TRAPPC9: variants seen among roughly 807,000 people sequenced by gnomAD.
TRAPPC9 encodes trafficking protein particle complex subunit 9, also known as IKK2 binding protein.
A neutral mutation model predicts 124.0 loss-of-function variants in TRAPPC9; 83 were observed. The observed-to-expected ratio is 0.67, with a 90% confidence interval of 0.56 to 0.80. The LOEUF (loss-of-function observed/expected upper bound fraction) is 0.80. TRAPPC9 is among the 30% of genes least tolerant of loss of function. The pLI is 0.00. For synonymous variants in TRAPPC9, 638 were observed against 617.5 expected (o/e 1.03, Z -0.49); for missense variants, 1,302 against 1,508.3 (o/e 0.86, Z 2.27).
intron 19 of TRAPPC9, chr8:139,931,853 C>G (rs528553045): frequency 6.0e-6 from 1 of 167,574 alleles, no homozygotes; most frequent in African/African-American, 2.4e-5. Context: ...CCATTTCACC[C>G]GGAAAAGATG....
intron 17 of TRAPPC9, among the ~76,000 whole-genome samples, chr8:140,187,677 G>A (rs2062382805): frequency 6.6e-6 from 1 of 152,044 alleles, no homozygotes; most frequent in Non-Finnish European, 1.5e-5. Context: ...GCCTTTCCCT[G>A]TTGGTGGTTT....
At chr8:139,863,560 C>T (rs1828314823) in intron 21 of TRAPPC9, among the ~76,000 whole-genome samples, 2 of 152,312 alleles carry the variant, frequency 1.3e-5, no homozygotes, top group South Asian at 4.1e-4. Context: ...CGGGGTGAGG[C>T]CCTTTCTACT....
chr8:140,034,212 G>T (rs890579888), intron 17 of TRAPPC9, among the ~76,000 whole-genome samples: 27 of 152,214 alleles, frequency 1.8e-4, no homozygotes, highest in Non-Finnish European at 2.8e-4. Flanking sequence ...TTGCTAAGTA[G>T]AATTACATTT....
intron 19 of TRAPPC9, among the ~76,000 whole-genome samples, chr8:139,982,806 A>G (rs1313909077): frequency 1.3e-5 from 2 of 152,188 alleles, no homozygotes; most frequent in African/African-American, 2.4e-5. Context: ...AAGAAATATG[A>G]TAAGAGTGGC....
chr8:140,445,577 A>G (rs2071218965), intron 2 of TRAPPC9, among the ~76,000 whole-genome samples: 1 of 152,196 alleles, frequency 6.6e-6, no homozygotes, highest in Non-Finnish European at 1.5e-5. Context: ...CCTGGGAGCC[A>G]GTGGCGGCAG....
At chr8:140,395,013 G>A (rs752196037) in intron 7 of TRAPPC9, among the ~76,000 whole-genome samples, 13 of 152,134 alleles carry the variant, frequency 8.5e-5, no homozygotes, top group East Asian at 7.7e-4. Context: ...TCATTTGCCC[G>A]GCATCACTGG....
chr8:139,760,418 T>C (rs148942413), intron 21 of TRAPPC9, among the ~76,000 whole-genome samples: 9 of 152,214 alleles, frequency 5.9e-5, no homozygotes, highest in African/African-American at 2.2e-4. Flanking sequence ...GGACAGAAAG[T>C]GACCGCACGC....
At chr8:140,092,745 G>A (rs1014368296) in intron 17 of TRAPPC9, among the ~76,000 whole-genome samples, 1 of 152,266 alleles carries the variant, frequency 6.6e-6, no homozygotes, top group Non-Finnish European at 1.5e-5. Context: ...ATCATCTCTG[G>A]GTGCTGGAAA....
intron 15 of TRAPPC9, among the ~76,000 whole-genome samples, chr8:140,256,877 G>A (rs983839695): frequency 2.0e-5 from 3 of 152,142 alleles, no homozygotes; most frequent in East Asian, 1.9e-4. Flanking sequence ...GACAGGGCAC[G>A]GTGCCCAGTG....
At chr8:140,454,976 C>G (rs1314598542) in intron 1 of TRAPPC9, among the ~76,000 whole-genome samples, 1 of 150,804 alleles carries the variant, frequency 6.6e-6, no homozygotes, top group Non-Finnish European at 1.5e-5. Context: ...TGAGCCAGTT[C>G]TGGTATCTGA....
chr8:139,869,955 A>G (rs1828793708), intron 21 of TRAPPC9, among the ~76,000 whole-genome samples: 1 of 152,236 alleles, frequency 6.6e-6, no homozygotes, highest in African/African-American at 2.4e-5. Flanking sequence ...CTGTATTTAT[A>G]ATAGGAAATT....
chr8:140,417,188 G>T (rs1320588561), intron 5 of TRAPPC9, among the ~76,000 whole-genome samples: 1 of 152,130 alleles, frequency 6.6e-6, no homozygotes, highest in Admixed American at 6.6e-5. Flanking sequence ...AACAGCAGTG[G>T]CAACAAAAGC....
At chr8:140,169,391 CAG>C (rs1218396173) in intron 17 of TRAPPC9, among the ~76,000 whole-genome samples, 2 of 152,086 alleles carry the variant, frequency 1.3e-5, no homozygotes, top group African/African-American at 2.4e-5. Context: ...AACGGTTCAA[CAG>C]AGAGTCAGCC....
intron 19 of TRAPPC9, among the ~76,000 whole-genome samples, chr8:139,939,924 C>A (rs986421270): frequency 1.3e-5 from 2 of 152,230 alleles, no homozygotes; most frequent in East Asian, 1.9e-4. Flanking sequence ...CCACAGCATG[C>A]GGCTCTGCAC....
At position 140,023,977 on chromosome 8, in the gene TRAPPC9, A is replaced by T; in HGVS notation, c.2659T>A (p.Ser887Thr). The T allele has an allele frequency of 6.2e-7, 1 of 1,613,996 alleles. No individual in the cohort carries two copies. The highest frequency in any genetic ancestry group is 8.5e-7 in the Non-Finnish European group (1 of 1,179,974). The change falls in exon 18 of 23, where the codon TCT becomes ACT. Residue 887 changes from serine to threonine, a missense_variant. Ser to Thr is a moderately conservative substitution (Grantham distance 58, BLOSUM62 1). This residue lies in a region of TRAPPC9 where 640 missense variants were observed against 679.3 expected (regional missense o/e 0.94). Transcript: ENST00000438773. ...SLGLHVEVEP[S>T]VFFTRVSTLP... ...GTGCTGACTCGGGTGAAAAATACAGACGGCTCGACTTCTACATGCAGCCCC... is the reference window on the plus strand; with the variant it reads ...GTGCTGACTCGGGTGAAAAATACAGTCGGCTCGACTTCTACATGCAGCCCC...
chr8:140,274,750 G>A lies in TRAPPC9; in HGVS notation c.2278+908C>T, dbSNP rs560538532. On this transcript the variant is annotated intron_variant, in intron 15 of 22. Transcript: ENST00000438773. ...CTACCTCTAAGAAACTTGGTTTGTC[G>A]CATTATAATGTCATTAGCATGGGGA... Among the ~76,000 whole-genome samples the A allele has an allele frequency of 5.2e-4, 79 of 152,236 alleles. 1 individual carries two copies. Among genetic ancestry groups the A allele is most frequent in the Middle Eastern group, 6.8e-3 (2 of 294 alleles).
intron 19 of TRAPPC9, among the ~76,000 whole-genome samples, chr8:139,925,323 G>T (rs925692586): frequency 1.3e-5 from 2 of 152,338 alleles, no homozygotes; most frequent in East Asian, 1.9e-4. Context: ...TTTGTAGGCT[G>T]CAGAGTTGCA....
chr8:139,778,074 A>T (rs545300252), intron 21 of TRAPPC9, among the ~76,000 whole-genome samples: 4 of 152,190 alleles, frequency 2.6e-5, no homozygotes, highest in African/African-American at 9.6e-5. Context: ...AAAGTACCCA[A>T]GGCTAAGGGC....
At chr8:140,379,125 A>G (rs1405779339) in intron 7 of TRAPPC9, among the ~76,000 whole-genome samples, 1 of 152,056 alleles carries the variant, frequency 6.6e-6, no homozygotes, top group East Asian at 1.9e-4. Flanking sequence ...TCATTAAAAA[A>G]CATTGCTCAG....
Sources: allele counts gnomAD v4.1 joint callset (sites outside exome capture counted in the v4.1 genomes callset), GRCh38; gene constraint gnomAD v4.1.1; regional missense constraint gnomAD v4.1.1; transcripts MANE v1.5; gene names NCBI Gene and HGNC (gene_info 2026-07-23, HGNC 2026-07-21).